The following ADGB variants were observed in gnomAD, a reference collection of about 807,000 sequenced individuals.
ADGB encodes the protein calpain-7-like protein.
A neutral mutation model predicts 210.5 loss-of-function variants in ADGB; 172 were observed. The ratio of observed to expected loss-of-function variants is 0.82; its 90% CI spans 0.72 to 0.93. ADGB has a LOEUF of 0.93. Among genes scored for constraint, ADGB ranks in the 40% least tolerant of loss-of-function variants. The probability of loss-of-function intolerance (pLI) is 0.00; values close to 1 mark genes in which losing one functional copy is unlikely to be tolerated. For synonymous variants in ADGB, 658 were observed against 662.7 expected, an observed-to-expected ratio of 0.99 and a Z score of 0.11; for missense variants, 2,025 against 1,964.8, an observed-to-expected ratio of 1.03 and a Z score of -0.58.
chr6:146,752,358 GAGAAACC>G (rs1777335585), intron 26 of ADGB, among the ~76,000 whole-genome samples, 165 bp from the exon 27 acceptor site: 1 of 152,042 alleles, frequency 6.6e-6, no homozygotes, highest in South Asian at 2.1e-4. Flanking sequence ...AACTATTCGT[GAGAAACC>G]TGTCCCCAAG....
intron 4 of ADGB, among the ~76,000 whole-genome samples, 172 bp from the exon 5 acceptor site, chr6:146,656,599 A>G (rs928817333): frequency 2.6e-5 from 4 of 152,254 alleles, no homozygotes; most frequent in African/African-American, 9.6e-5. Context: ...TCCCAAAAAC[A>G]AAAGCAAGAC....
chr6:146,670,238 T>C (rs1363438257), intron 7 of ADGB, among the ~76,000 whole-genome samples: 2 of 152,118 alleles, frequency 1.3e-5, no homozygotes, highest in Admixed American at 1.3e-4. Flanking sequence ...TTTCCTCGCT[T>C]AAAACCTTTC....
intron 13 of ADGB, among the ~76,000 whole-genome samples, chr6:146,706,207 CA>C (rs1332231218): frequency 1.3e-5 from 2 of 151,864 alleles, no homozygotes; most frequent in African/African-American, 4.8e-5. Flanking sequence ...CAGGCATAAG[CA>C]TTGCACCTGG....
At chr6:146,801,160 T>C in intron 33 of ADGB, 23 bp from the exon 34 acceptor site, 1 of 1,364,718 alleles carries the variant, frequency 7.3e-7, no homozygotes. Context: ...AGGTTTTTTG[T>C]TGTGTGTGTG....
chr6:146,805,698 C>T (rs1307053743), intron 35 of ADGB, among the ~76,000 whole-genome samples: 1 of 152,106 alleles, frequency 6.6e-6, no homozygotes, highest in African/African-American at 2.4e-5. Context: ...AATATTCTTT[C>T]CCCAAAGTGT....
chr6:146,786,183 G>A (rs1583638485), intron 32 of ADGB, among the ~76,000 whole-genome samples: 2 of 146,366 alleles, frequency 1.4e-5, no homozygotes, highest in South Asian at 2.1e-4. Flanking sequence ...ATATATTTAA[G>A]TATATATTAT....
chr6:146,623,607 T>G (rs1033090895), intron 1 of ADGB, among the ~76,000 whole-genome samples: 5 of 151,934 alleles, frequency 3.3e-5, no homozygotes, highest in African/African-American at 9.7e-5. Flanking sequence ...CAATAGATTT[T>G]CTACATAGTT....
chr6:146,698,294 C>T (rs1371002642), intron 12 of ADGB, among the ~76,000 whole-genome samples: 3 of 152,164 alleles, frequency 2.0e-5, no homozygotes, highest in East Asian at 1.9e-4. Flanking sequence ...TCTGTACCAT[C>T]GGTCACACAT....
intron 5 of ADGB, 112 bp downstream of exon 5, chr6:146,657,092 A>G: frequency 1.1e-6 from 1 of 928,774 alleles, no homozygotes; most frequent in South Asian, 1.7e-5. Context: ...GGCAAAGGCC[A>G]AGGCAGTGGA....
intron 18 of ADGB, chr6:146,724,931 T>C (rs998451600): frequency 1.3e-5 from 2 of 152,202 alleles, no homozygotes; most frequent in Admixed American, 6.5e-5. Context: ...AGAAGAAATA[T>C]TTTCACTAGG....
chr6:146,756,436 T>G (rs1418064878), intron 27 of ADGB, among the ~76,000 whole-genome samples: 1 of 152,076 alleles, frequency 6.6e-6, no homozygotes, highest in Admixed American at 6.6e-5. Context: ...GCTGTGACCT[T>G]AATCAAGATT....
At chr6:146,635,127 T>A (rs1247638138) in intron 1 of ADGB, among the ~76,000 whole-genome samples, 1 of 152,054 alleles carries the variant, frequency 6.6e-6, no homozygotes. Context: ...TATATCTTTT[T>A]TTAAAATTCT....
intron 6 of ADGB, among the ~76,000 whole-genome samples, chr6:146,664,801 T>C (rs754050469): frequency 2.6e-5 from 4 of 152,076 alleles, no homozygotes; most frequent in Non-Finnish European, 5.9e-5. Context: ...ATGATTTTGG[T>C]AACATTGCTC....
At chr6:146,669,930 A>G (rs9386162) in intron 7 of ADGB, among the ~76,000 whole-genome samples, 1 of 152,004 alleles carries the variant, frequency 6.6e-6, no homozygotes, top group Non-Finnish European at 1.5e-5. Flanking sequence ...GCATCATCTC[A>G]GTGAATTTCA....
At chr6:146,735,826 A>G (rs1777071398) in intron 22 of ADGB, among the ~76,000 whole-genome samples, 1 of 152,158 alleles carries the variant, frequency 6.6e-6, no homozygotes, top group African/African-American at 2.4e-5. Flanking sequence ...TCTTGATTGC[A>G]TGGCAATGTT....
Position 146,728,695 on chromosome 6 carries a change from A to T in ADGB, c.2474A>T (p.Tyr825Phe), listed in dbSNP as rs1270574321. 1.9e-6 allele frequency: 3 copies of T among 1,551,190 alleles called. No individual in the cohort carries two copies. Among genetic ancestry groups the T allele is most frequent in the Non-Finnish European group, 2.6e-6 (3 of 1,146,756 alleles). ...TTGAAGGATCTGCAAACAGCTCACT[A>T]CCCTGTCCCCTTCCATGATAAAGAA... The part of the protein sequence containing the change: ...AALKDLQTAH[Y>F]PVPFHDKELT... Residue 825 changes from tyrosine to phenylalanine, a missense_variant, in exon 20 of 36, where the codon TAC (tyrosine) becomes TTC (phenylalanine). Coordinates refer to ENST00000397944, the MANE Select transcript of ADGB (RefSeq NM_024694.4).
chr6:146,769,224 T>C, intron 29 of ADGB, 93 bp downstream of exon 29: 1 of 618,922 alleles, frequency 1.6e-6, no homozygotes, highest in East Asian at 2.8e-5. Context: ...CATGAAAATA[T>C]CATTGTATGA....
chr6:146,801,152 G>GT, intron 33 of ADGB, 31 bp from the exon 34 acceptor site: 2 of 1,286,904 alleles, frequency 1.6e-6, no homozygotes, highest in Non-Finnish European at 1.0e-6. Flanking sequence ...TAAAGCCTAG[G>GT]TTTTTTGTTG....
chr6:146,764,992 G>A (rs2114626493), intron 28 of ADGB, among the ~76,000 whole-genome samples: 1 of 152,152 alleles, frequency 6.6e-6, no homozygotes, highest in East Asian at 1.9e-4. Context: ...GTAGAGACAG[G>A]GTTTCACCAT....
Sources: allele counts gnomAD v4.1 joint callset (sites outside exome capture counted in the v4.1 genomes callset), GRCh38; gene constraint gnomAD v4.1.1; transcripts MANE v1.5; gene names NCBI Gene and HGNC (gene_info 2026-07-23, HGNC 2026-07-21).